PAM: variants seen among roughly 807,000 people sequenced by gnomAD.
The protein encoded by PAM is peptidylglycine alpha-amidating monooxygenase.
PAM carries 72 observed loss-of-function variants against 122.1 expected under a neutral mutation model. The ratio of observed to expected loss-of-function variants is 0.59; its 90% CI spans 0.49 to 0.72. PAM has a LOEUF of 0.72. Among genes scored for constraint, PAM ranks in the 30% least tolerant of loss-of-function variants. The pLI is 0.00. For missense variants in PAM, 1,106 were observed against 1,183.7 expected, an observed-to-expected ratio of 0.93 and a Z score of 0.96; for synonymous variants, 389 against 404.4, an observed-to-expected ratio of 0.96 and a Z score of 0.46.
At chr5:102,795,433 C>T (rs1384439883) in intron 1 of PAM, among the ~76,000 whole-genome samples, 1 of 152,032 alleles carries the variant, frequency 6.6e-6, no homozygotes, top group African/African-American at 2.4e-5. Flanking sequence ...TTTGGAGTAC[C>T]ACTAACAGTT....
chr5:103,001,459 A>C (rs1777350669), intron 16 of PAM, among the ~76,000 whole-genome samples: 1 of 152,104 alleles, frequency 6.6e-6, no homozygotes. Flanking sequence ...TCCATTTCAT[A>C]AATTTATTTT....
At chr5:103,013,448 A>G (rs1329734169) in intron 21 of PAM, among the ~76,000 whole-genome samples, 1 of 152,128 alleles carries the variant, frequency 6.6e-6, no homozygotes, top group Non-Finnish European at 1.5e-5. Context: ...CACTTCTAAT[A>G]GTTTTTTTGG....
chr5:103,006,293 T>C (rs140516329), intron 18 of PAM, among the ~76,000 whole-genome samples: 18 of 152,184 alleles, frequency 1.2e-4, no homozygotes, highest in African/African-American at 4.3e-4. Context: ...TTAAACTACC[T>C]TAATCTTCTA....
intron 15 of PAM, among the ~76,000 whole-genome samples, chr5:102,979,848 C>T (rs185384806): frequency 3.3e-5 from 5 of 151,646 alleles, no homozygotes; most frequent in South Asian, 2.1e-4. Flanking sequence ...GCAGGATATG[C>T]GGCTGTACAT....
At chr5:102,780,510 A>G (rs139266285) in intron 1 of PAM, among the ~76,000 whole-genome samples, 122 of 152,196 alleles carry the variant, frequency 8.0e-4, no homozygotes, top group African/African-American at 2.8e-3. Flanking sequence ...TTTATTACCT[A>G]TGTGATTTGT....
At chr5:102,805,375 T>G (rs1765952445) in intron 1 of PAM, among the ~76,000 whole-genome samples, 1 of 152,180 alleles carries the variant, frequency 6.6e-6, no homozygotes, top group Admixed American at 6.5e-5. Flanking sequence ...GCCCCTCATC[T>G]TCCCTTCTAA....
At chr5:102,849,049 T>C (rs1243723606) in intron 1 of PAM, among the ~76,000 whole-genome samples, 1 of 151,958 alleles carries the variant, frequency 6.6e-6, no homozygotes, top group Non-Finnish European at 1.5e-5. Flanking sequence ...GAGATTGAGA[T>C]ATCACAAATA....
chr5:102,755,119 G>C (rs906722264), upstream of PAM: 4 of 152,376 alleles, frequency 2.6e-5, no homozygotes, highest in East Asian at 1.9e-4. Flanking sequence ...GGGCTGGCCC[G>C]GGAGCCGCCC....
chr5:102,778,069 C>T (rs565390847), intron 1 of PAM, among the ~76,000 whole-genome samples: 1 of 152,220 alleles, frequency 6.6e-6, no homozygotes, highest in Admixed American at 6.5e-5. Flanking sequence ...AAGTAAGCAC[C>T]TCTTGGACCC....
chr5:102,960,148 T>C (rs1762032766), intron 13 of PAM, 89 bp downstream of exon 13: 9 of 717,594 alleles, frequency 1.3e-5, no homozygotes, highest in Non-Finnish European at 2.0e-5. Flanking sequence ...TAAAATCATC[T>C]TTATTCCCTT....
At chr5:102,802,942 A>T (rs1423259174) in intron 1 of PAM, among the ~76,000 whole-genome samples, 1 of 151,380 alleles carries the variant, frequency 6.6e-6, no homozygotes, top group African/African-American at 2.4e-5. Context: ...ACATAGCGAG[A>T]CCCCATCTCT....
chr5:102,932,106 T>C (rs569906959), intron 7 of PAM, among the ~76,000 whole-genome samples: 79 of 152,310 alleles, frequency 5.2e-4, no homozygotes, highest in African/African-American at 1.9e-3. Flanking sequence ...CAGAGGATGA[T>C]TGTTTTCAAT....
intron 16 of PAM, among the ~76,000 whole-genome samples, chr5:102,995,535 C>T (rs1258575116): frequency 6.6e-6 from 1 of 152,050 alleles, no homozygotes; most frequent in Non-Finnish European, 1.5e-5. Flanking sequence ...TGCATCAAGA[C>T]GTTTGAACTC....
At chr5:102,930,280 A>G (rs1751021427) in intron 7 of PAM, among the ~76,000 whole-genome samples, 1 of 152,188 alleles carries the variant, frequency 6.6e-6, no homozygotes. Context: ...GAGTGTGTTT[A>G]TAGGCAATAA....
intron 15 of PAM, among the ~76,000 whole-genome samples, chr5:102,980,336 C>G (rs1769334854): frequency 6.6e-6 from 1 of 152,112 alleles, no homozygotes; most frequent in South Asian, 2.1e-4. Flanking sequence ...TTTAACTTCT[C>G]TATCATCAAA....
intron 3 of PAM, among the ~76,000 whole-genome samples, chr5:102,868,806 AG>A (rs1786421527): frequency 6.6e-6 from 1 of 152,132 alleles, no homozygotes; most frequent in Non-Finnish European, 1.5e-5. Context: ...ATTATTTAAG[AG>A]TAATAACATT....
At chr5:102,765,315 A>G (rs1300931998) in intron 1 of PAM, among the ~76,000 whole-genome samples, 6 of 152,258 alleles carry the variant, frequency 3.9e-5, no homozygotes, top group Admixed American at 6.5e-5. Flanking sequence ...TAAGATGAAG[A>G]TACCAAGCCT....
At chr5:102,979,263 T>C (rs533917058) in intron 15 of PAM, among the ~76,000 whole-genome samples, 1 of 152,286 alleles carries the variant, frequency 6.6e-6, no homozygotes, top group African/African-American at 2.4e-5. Flanking sequence ...AGGAAAAGAA[T>C]ACTGCTAATG....
intron 1 of PAM, among the ~76,000 whole-genome samples, chr5:102,790,126 T>A (rs529998243): frequency 1.3e-5 from 2 of 152,268 alleles, no homozygotes; most frequent in East Asian, 1.9e-4. Context: ...AGACATAGCT[T>A]CATGTGCAAA....
Sources: allele counts gnomAD v4.1 joint callset (sites outside exome capture counted in the v4.1 genomes callset), GRCh38; gene constraint gnomAD v4.1.1; transcripts MANE v1.5; gene names NCBI Gene and HGNC (gene_info 2026-07-23, HGNC 2026-07-21).